Variants in CERK observed in about 807,000 individuals in gnomAD.
CERK encodes the protein ceramide kinase.
A neutral mutation model predicts 63.4 loss-of-function variants in CERK; 39 were observed. The ratio of observed to expected loss-of-function variants is 0.61; its 90% CI spans 0.48 to 0.80. The LOEUF is 0.80. Ranked by LOEUF, CERK falls within the 30% of genes least tolerant of loss-of-function variation. CERK has a pLI of 0.00. For synonymous variants in CERK, 302 were observed against 280.0 expected, an observed-to-expected ratio of 1.08 and a Z score of -0.78; for missense variants, 670 against 714.1, an observed-to-expected ratio of 0.94 and a Z score of 0.70.
At chr22:46,698,329 G>A (rs2082766589) in intron 8 of CERK, among the ~76,000 whole-genome samples, 1 of 152,250 alleles carries the variant, frequency 6.6e-6, no homozygotes, top group African/African-American at 2.4e-5. Context: ...CAGGAAGGCA[G>A]GATCTTGCCT....
At chr22:46,699,598 G>T in intron 7 of CERK, 133 bp from the exon 8 acceptor site, 2 of 749,070 alleles carry the variant, frequency 2.7e-6, no homozygotes, top group Non-Finnish European at 4.4e-6. Context: ...AACGCATTCA[G>T]TGCAAGGATT....
In CERK at chr22:46,685,566, C is replaced by T. The variant is rs938121321; in HGVS notation, c.*1568G>A. ...GCAGCCCGTCTTAAATCTTTGGTTT[C>T]TTTCCAACCAGGAGCAAACATTGGT... On this transcript the variant is annotated 3_prime_UTR_variant, in exon 13 of 13. Coordinates refer to ENST00000216264, the MANE Select transcript of CERK (RefSeq NM_022766.6). 3.3e-5 allele frequency: 5 copies of T among 152,268 alleles called. No homozygotes were observed. Among genetic ancestry groups the T allele is most frequent in the African/African-American group, 1.2e-4 (5 of 41,474 alleles). 9.4% of individuals were successfully genotyped at this position (152,268 alleles called of 1,614,324 possible).
intron 9 of CERK, among the ~76,000 whole-genome samples, chr22:46,694,063 C>T (rs568765429): frequency 1.7e-4 from 26 of 152,218 alleles, no homozygotes; most frequent in African/African-American, 5.3e-4. Context: ...AATGCACTGA[C>T]GCAAACAGCA....
intron 1 of CERK, among the ~76,000 whole-genome samples, chr22:46,736,024 G>A (rs932706073): frequency 1.3e-5 from 2 of 151,830 alleles, no homozygotes; most frequent in Non-Finnish European, 2.9e-5. Flanking sequence ...CACCAGCCAG[G>A]GCCACCAGCC....
intron 8 of CERK, among the ~76,000 whole-genome samples, chr22:46,698,772 G>C (rs949183232): frequency 9.2e-5 from 14 of 151,836 alleles, no homozygotes; most frequent in Non-Finnish European, 1.5e-5. Context: ...ACGGTGGCAT[G>C]TGCCTGTAGT....
intron 11 of CERK, among the ~76,000 whole-genome samples, chr22:46,690,768 G>A (rs554168815): frequency 5.9e-5 from 9 of 152,282 alleles, no homozygotes; most frequent in South Asian, 2.1e-4. Context: ...AGAAGGGTCC[G>A]AACAGAACCC....
chr22:46,732,871 GC>G (rs1191796223), intron 1 of CERK, among the ~76,000 whole-genome samples: 1 of 152,064 alleles, frequency 6.6e-6, no homozygotes, highest in African/African-American at 2.4e-5. Context: ...TGGATTGTCT[GC>G]CTTTTTTCCT....
At chr22:46,708,976 A>C (rs1186921690) in intron 5 of CERK, among the ~76,000 whole-genome samples, 1 of 152,186 alleles carries the variant, frequency 6.6e-6, no homozygotes, top group East Asian at 1.9e-4. Context: ...AGGCGCGACC[A>C]GTCTCCAGGG....
At chr22:46,721,708 C>T (rs764889981) in intron 1 of CERK, among the ~76,000 whole-genome samples, 16 of 152,110 alleles carry the variant, frequency 1.1e-4, no homozygotes, top group African/African-American at 1.4e-4. Flanking sequence ...GAGGGAGACA[C>T]GTGACAGGAC....
rs377639952 is a variant in CERK, at chr22:46,699,323, G to A, written c.933C>T (p.Tyr311=). 24 of 1,613,970 alleles carry A rather than the reference G, an allele frequency of 1.5e-5. No homozygotes were observed. Among genetic ancestry groups the A allele is most frequent in the East Asian group, 4.5e-5 (2 of 44,880 alleles). Residue 311 remains tyrosine (Y), a synonymous_variant, in exon 8 of 13, where the codon TAC becomes TAT. Transcript: ENST00000216264. ...EKKRWLGLAR[Y]DFSGLKTFLS... Reference sequence around the variant, plus strand: ...ATTATTCTGAGTTACCTGAAAAGTCGTATCTGGCAAGACCCAACCACCGTT... The same window carrying A: ...ATTATTCTGAGTTACCTGAAAAGTCATATCTGGCAAGACCCAACCACCGTT...
At chr22:46,710,311 A>G (rs1405807268) in intron 5 of CERK, among the ~76,000 whole-genome samples, 1 of 151,918 alleles carries the variant, frequency 6.6e-6, no homozygotes, top group Non-Finnish European at 1.5e-5. Flanking sequence ...TTGGGCACCT[A>G]TAATCCCAGC....
intron 12 of CERK, among the ~76,000 whole-genome samples, chr22:46,688,120 A>G (rs761346562): frequency 6.4e-4 from 97 of 152,270 alleles, no homozygotes; most frequent in Non-Finnish European, 9.3e-4. Context: ...CCTGGGAGGC[A>G]GAGGTTGCAG....
intron 8 of CERK, 38 bp downstream of exon 8, chr22:46,699,275 C>A: frequency 6.2e-7 from 1 of 1,606,430 alleles, no homozygotes; most frequent in Non-Finnish European, 8.5e-7. Flanking sequence ...AGTCGGGGCA[C>A]GACCAGCGGG....
chr22:46,719,192 T>C (rs1468314843), intron 3 of CERK, among the ~76,000 whole-genome samples: 1 of 145,008 alleles, frequency 6.9e-6, no homozygotes, highest in Non-Finnish European at 1.5e-5. Flanking sequence ...TGTTCCTTTT[T>C]TTAAACTTTT....
chr22:46,731,178 C>T (rs9616114), intron 1 of CERK, among the ~76,000 whole-genome samples: 14,323 of 152,322 alleles, frequency 0.094, 807 homozygotes, highest in African/African-American at 0.13. Context: ...CAGCCCAGCC[C>T]GGGCCCCCAC....
chr22:46,732,124 C>G (rs566917314), intron 1 of CERK, among the ~76,000 whole-genome samples: 1 of 152,172 alleles, frequency 6.6e-6, no homozygotes, highest in South Asian at 2.1e-4. Context: ...AATCGAGAAC[C>G]CAGCAGACGT....
rs1212059556 is a variant in CERK at position 46,738,176 on chromosome 22, T to TGGGGGCGCGCGGACGCCG, written c.-46_-29dup. ...CCGCCGCCGGGCTCGTCCGCCAGGC[T>TGGGGGCGCGCGGACGCCG]GGGGGCGCGCGGACGCCGAGGGGCG... On this transcript the variant is annotated 5_prime_UTR_variant, in exon 1 of 13. Transcript: ENST00000216264. The TGGGGGCGCGCGGACGCCG allele has an allele frequency of 5.3e-6, 6 of 1,130,614 alleles. No individual in the cohort carries two copies. The Admixed American group carries it at 2.5e-4, about 48-fold the overall frequency. 70.0% of individuals were successfully genotyped at this position (1,130,614 alleles called of 1,614,324 possible). A position where few individuals can be genotyped will look rare whatever the true frequency, so the allele number is the denominator to read the frequency against.
In CERK at chr22:46,708,088, T is replaced by C. The variant is rs990722114; in HGVS notation, c.570-100A>G. 66 of 1,347,764 alleles carry C rather than the reference T, an allele frequency of 4.9e-5. No homozygotes were observed. In the African/African-American group the frequency reaches 8.1e-4, roughly 17 times the overall value. The allele number at this position is 1,347,764 out of a possible 1,614,324, so 83.5% of individuals were successfully genotyped here. A position where few individuals can be genotyped will look rare whatever the true frequency, so the allele number is the denominator to read the frequency against. On this transcript the variant is annotated intron_variant, in intron 5 of 12. Coordinates refer to ENST00000216264, the MANE Select transcript of CERK (RefSeq NM_022766.6). ...CTTCAGGAGGGGCAGCCTGCACACC[T>C]GGCCCTTGGCAGGCATCTAGAAGTG...
chr22:46,725,577 G>A (rs533125844), intron 1 of CERK, among the ~76,000 whole-genome samples: 13 of 152,358 alleles, frequency 8.5e-5, no homozygotes, highest in African/African-American at 3.1e-4. Context: ...CTTGCAAAGG[G>A]CGGAAGGTGG....
Sources: allele counts gnomAD v4.1 joint callset (sites outside exome capture counted in the v4.1 genomes callset), GRCh38; gene constraint gnomAD v4.1.1; transcripts MANE v1.5; gene names NCBI Gene and HGNC (gene_info 2026-07-23, HGNC 2026-07-21).